The following TGM2 variants were observed in gnomAD, a reference collection of about 807,000 sequenced individuals.
TGM2 encodes the protein protein-glutamine gamma-glutamyltransferase 2.
TGM2 carries 53 observed loss-of-function variants against 75.6 expected under a neutral mutation model. The ratio of observed to expected loss-of-function variants is 0.70; its 90% confidence interval spans 0.56 to 0.88. The LOEUF is 0.88. TGM2 is among the 40% of genes least tolerant of loss of function. The pLI is 0.00. For synonymous variants in TGM2, 374 were observed against 381.1 expected, an observed-to-expected ratio of 0.98 and a Z score of 0.22; for missense variants, 842 against 928.5, an observed-to-expected ratio of 0.91 and a Z score of 1.21.
In TGM2 at chr20:38,138,106, G is replaced by T. The variant is rs1245380154; in HGVS notation, c.1615+7C>A. 4.4e-6 allele frequency: 7 copies of T among 1,583,952 alleles called. No individual in the cohort carries two copies. The highest frequency in any genetic ancestry group is 2.3e-5 in the East Asian group (1 of 42,892). On this transcript the variant is annotated splice_region_variant and intron_variant, in intron 10 of 12. Transcript: ENST00000361475. ...TCAACAAATGCTCCAGGAACACAGG[G>T]CTTTACCAGAGAAAGGCTCCAGGTT...
intron 10 of TGM2, chr20:38,133,569 G>A (rs1015241930): frequency 2.0e-5 from 3 of 152,354 alleles, no homozygotes; most frequent in Admixed American, 1.3e-4. Context: ...GATTCATGTA[G>A]TTTAGCATTT....
At chr20:38,165,127 G>T (rs2076380) in intron 1 of TGM2, 62 bp downstream of exon 1, 4 of 1,612,812 alleles carry the variant, frequency 2.5e-6, no homozygotes, top group Non-Finnish European at 3.4e-6. Context: ...AGCTCCCACC[G>T]GGTCCTGACC....
chr20:38,147,926 G>A (rs2075065218), intron 5 of TGM2, 35 bp downstream of exon 5: 1 of 1,592,964 alleles, frequency 6.3e-7, no homozygotes, highest in Non-Finnish European at 8.5e-7. Flanking sequence ...CCCCCTGTAG[G>A]CCCCGCCCCT....
In TGM2 at chr20:38,161,507, G is replaced by T. The variant is rs771987793; in HGVS notation, c.103C>A (p.Arg35=). The T allele has an allele frequency of 1.2e-6, 2 of 1,614,154 alleles. No individual in the cohort carries two copies. The highest frequency in any genetic ancestry group is 1.7e-5 in the Admixed American group (1 of 60,028). ...DLCREKLVVR[R]GQPFWLTLHF... is the part of the protein sequence containing the mutation. ...AGGGTCAGCCAGAAGGGCTGGCCCCGTCGCACCACCAGCTTCTCCCGGCAC... is the reference window on the plus strand; with the variant it reads ...AGGGTCAGCCAGAAGGGCTGGCCCCTTCGCACCACCAGCTTCTCCCGGCAC... The change falls in exon 2 of 13, where the codon CGG becomes AGG. Residue 35 remains arginine, a synonymous_variant. Transcript: ENST00000361475.
At chr20:38,143,442 C>G (rs45603637) in intron 6 of TGM2, among the ~76,000 whole-genome samples, 8 of 152,130 alleles carry the variant, frequency 5.3e-5, no homozygotes, top group African/African-American at 1.2e-4. Context: ...CAGACTTGTC[C>G]GGAGGGAGGG....
intron 6 of TGM2, among the ~76,000 whole-genome samples, chr20:38,142,627 T>C (rs937142101): frequency 6.6e-6 from 1 of 152,230 alleles, no homozygotes; most frequent in Non-Finnish European, 1.5e-5. Flanking sequence ...GAGAATTGCT[T>C]GAACCTGGGA....
chr20:38,161,891 T>C (rs2122974253), intron 1 of TGM2, among the ~76,000 whole-genome samples: 1 of 152,236 alleles, frequency 6.6e-6, no homozygotes, highest in African/African-American at 2.4e-5. Context: ...ATTCCTGGGC[T>C]CAAGGGATCG....
intron 2 of TGM2, among the ~76,000 whole-genome samples, chr20:38,157,893 C>T (rs1225442893): frequency 6.6e-6 from 1 of 152,216 alleles, no homozygotes; most frequent in Non-Finnish European, 1.5e-5. Flanking sequence ...TCTGAATTCT[C>T]AGGCCAAATA....
intron 11 of TGM2, among the ~76,000 whole-genome samples, chr20:38,131,480 C>T (rs1182822022): frequency 2.6e-5 from 4 of 152,058 alleles, no homozygotes; most frequent in Admixed American, 2.0e-4. Context: ...AAGTGCCTCC[C>T]TTGTCCCAGG....
intron 8 of TGM2, among the ~76,000 whole-genome samples, chr20:38,140,535 G>A (rs1203962643): frequency 6.6e-6 from 1 of 152,138 alleles, no homozygotes; most frequent in African/African-American, 2.4e-5. Flanking sequence ...AATTGCAAAA[G>A]CAGGAAATGA....
chr20:38,149,678 C>CAAAAAAAAAAAAAAAAAAAAAAA (rs1199376180), intron 4 of TGM2, among the ~76,000 whole-genome samples: 15 of 40,442 alleles, frequency 3.7e-4, no homozygotes, highest in African/African-American at 9.3e-4. Context: ...GACTCCGCCT[C>CAAAAAAAAAAAAAAAAAAAAAAA]AAAAAAAAAA....
chr20:38,141,811 T>G (rs1169031146), intron 7 of TGM2, among the ~76,000 whole-genome samples: 1 of 151,256 alleles, frequency 6.6e-6, no homozygotes, highest in Non-Finnish European at 1.5e-5. Context: ...GACAACCTAT[T>G]GCTTTTGGAA....
At chr20:38,138,572 A>C (rs45514891) in intron 9 of TGM2, among the ~76,000 whole-genome samples, 187 bp from the exon 10 acceptor site, 1,655 of 152,044 alleles carry the variant, frequency 0.011, 17 homozygotes, top group Non-Finnish European at 0.017. Flanking sequence ...ACTCCTATAC[A>C]TCCCTCAAGA....
chr20:38,142,744 C>A (rs1192128119), intron 6 of TGM2, among the ~76,000 whole-genome samples: 1 of 152,238 alleles, frequency 6.6e-6, no homozygotes, highest in African/African-American at 2.4e-5. Flanking sequence ...TGTCACCACT[C>A]CTGTGATCAA....
intron 11 of TGM2, among the ~76,000 whole-genome samples, chr20:38,131,976 T>C (rs1386989189): frequency 6.6e-6 from 1 of 151,890 alleles, no homozygotes; most frequent in Admixed American, 6.6e-5. Context: ...CTGGTACAAA[T>C]TCAGGCAGTG....
chr20:38,155,687 T>G (rs1486545550), intron 3 of TGM2, among the ~76,000 whole-genome samples, 160 bp downstream of exon 3: 2 of 152,126 alleles, frequency 1.3e-5, no homozygotes, highest in Non-Finnish European at 2.9e-5. Flanking sequence ...GGAGTACTCA[T>G]GTCTTGAGGG....
At chr20:38,163,561 T>C (rs2075278755) in intron 1 of TGM2, among the ~76,000 whole-genome samples, 2 of 152,306 alleles carry the variant, frequency 1.3e-5, no homozygotes, top group Non-Finnish European at 1.5e-5. Flanking sequence ...TAGGATTCTG[T>C]AGGATTCTGC....
At chr20:38,140,649 C>T (rs974083953) in intron 8 of TGM2, among the ~76,000 whole-genome samples, 2 of 152,174 alleles carry the variant, frequency 1.3e-5, no homozygotes, top group Non-Finnish European at 2.9e-5. Context: ...TTAATTTATG[C>T]TCATAAATTA....
intron 2 of TGM2, among the ~76,000 whole-genome samples, chr20:38,157,233 C>T (rs994769911): frequency 2.0e-5 from 3 of 148,292 alleles, no homozygotes; most frequent in Non-Finnish European, 4.5e-5. Flanking sequence ...GCCCCCTCCT[C>T]CCTGCCAGCC....
Sources: gnomAD v4.1 joint callset for allele counts (sites outside exome capture counted in the v4.1 genomes callset) on GRCh38, gnomAD v4.1.1 for gene constraint, MANE v1.5 for transcripts, NCBI Gene and HGNC (gene_info 2026-07-23, HGNC 2026-07-21) for gene names.